Variants in CSNK2A2IP observed in about 807,000 individuals in gnomAD.
CSNK2A2IP encodes the protein casein kinase II subunit alpha'-interacting protein.
the CSNK2A2IP span, among the ~76,000 whole-genome samples, chr3:88,427,060 G>A: frequency 1.3e-5 from 2 of 152,124 alleles, no homozygotes; most frequent in Non-Finnish European, 2.9e-5. Context: ...AAGACAGAAA[G>A]ATGTGGGAAA....
chr3:88,385,366 A>G, the CSNK2A2IP span, among the ~76,000 whole-genome samples: 3 of 152,148 alleles, frequency 2.0e-5, no homozygotes, highest in African/African-American at 7.2e-5. Context: ...ATTCAATTGA[A>G]TTTTGCAAAC....
chr3:88,370,598 T>TCTC, the CSNK2A2IP span, among the ~76,000 whole-genome samples: 43 of 128,800 alleles, frequency 3.3e-4, no homozygotes, highest in African/African-American at 1.1e-3. Context: ...CTTTCTTTCT[T>TCTC]TCTCTCTCTC....
At chr3:88,445,877 GTTTCTTTCTTTCTTTCTC>G in the CSNK2A2IP span, among the ~76,000 whole-genome samples, 1 of 151,414 alleles carries the variant, frequency 6.6e-6, no homozygotes, top group African/African-American at 2.4e-5. Context: ...CATTTTAATG[GTTTCTTTCTTTCTTTCTC>G]TTTCTTTCTT....
the CSNK2A2IP span, among the ~76,000 whole-genome samples, chr3:88,463,916 T>C: frequency 6.6e-6 from 1 of 151,966 alleles, no homozygotes; most frequent in African/African-American, 2.4e-5. Context: ...TGTCCAACAA[T>C]GATAGACTGG....
At chr3:88,382,535 G>A in the CSNK2A2IP span, 1 of 152,152 alleles carries the variant, frequency 6.6e-6, no homozygotes, top group Non-Finnish European at 1.5e-5. Context: ...TTTTTCTTAT[G>A]AAGGATTTTT....
the CSNK2A2IP span, among the ~76,000 whole-genome samples, chr3:88,374,055 C>T: frequency 6.6e-6 from 1 of 151,656 alleles, no homozygotes; most frequent in East Asian, 1.9e-4. Flanking sequence ...ATAAACAATA[C>T]CAATTCTATA....
chr3:88,351,683 T>G, the CSNK2A2IP span, among the ~76,000 whole-genome samples: 2 of 152,116 alleles, frequency 1.3e-5, no homozygotes, highest in Admixed American at 6.6e-5. Flanking sequence ...ATCTTTTATG[T>G]CCAACACAAA....
At chr3:88,446,689 A>C in the CSNK2A2IP span, among the ~76,000 whole-genome samples, 1 of 152,118 alleles carries the variant, frequency 6.6e-6, no homozygotes, top group East Asian at 1.9e-4. Context: ...GTCAGTTGAG[A>C]GAGAAGGTCA....
At chr3:88,378,501 G>T in the CSNK2A2IP span, among the ~76,000 whole-genome samples, 3 of 151,828 alleles carry the variant, frequency 2.0e-5, no homozygotes, top group East Asian at 1.9e-4. Flanking sequence ...GCCACATGTG[G>T]TTATTGAGCA....
At chr3:88,465,311 T>C in the CSNK2A2IP span, 9 of 1,151,148 alleles carry the variant, frequency 7.8e-6, no homozygotes, top group Non-Finnish European at 9.8e-6. Context: ...TACTAAATCA[T>C]CCCCACAAGC....
At chr3:88,385,859 T>C in the CSNK2A2IP span, among the ~76,000 whole-genome samples, 58 of 152,310 alleles carry the variant, frequency 3.8e-4, no homozygotes, top group African/African-American at 1.3e-3. Flanking sequence ...AATTATCTTT[T>C]ATAGCTTCTA....
At chr3:88,347,672 T>A in the CSNK2A2IP span, among the ~76,000 whole-genome samples, 1 of 152,044 alleles carries the variant, frequency 6.6e-6, no homozygotes, top group African/African-American at 2.4e-5. Context: ...AAAACATTAT[T>A]TTGACTCACT....
At chr3:88,414,439 C>T in the CSNK2A2IP span, among the ~76,000 whole-genome samples, 4 of 151,338 alleles carry the variant, frequency 2.6e-5, no homozygotes, top group African/African-American at 9.7e-5. Flanking sequence ...TGCCCCAACA[C>T]GCCCAGCTAA....
the CSNK2A2IP span, among the ~76,000 whole-genome samples, chr3:88,391,937 G>A: frequency 1.3e-5 from 2 of 152,344 alleles, no homozygotes; most frequent in East Asian, 3.9e-4. Context: ...AGTGGTTGCA[G>A]TGAGAATAGT....
chr3:88,436,727 C>CTGAT, the CSNK2A2IP span, among the ~76,000 whole-genome samples: 3 of 151,966 alleles, frequency 2.0e-5, no homozygotes, highest in African/African-American at 7.3e-5. Flanking sequence ...TCATATGATC[C>CTGAT]TGATAGTATA....
At chr3:88,385,764 GA>G in the CSNK2A2IP span, among the ~76,000 whole-genome samples, 13 of 152,198 alleles carry the variant, frequency 8.5e-5, no homozygotes, top group Non-Finnish European at 1.6e-4. Flanking sequence ...GAGAGTCATG[GA>G]ATGTCTATTC....
At chr3:88,422,721 T>A in the CSNK2A2IP span, among the ~76,000 whole-genome samples, 1 of 152,188 alleles carries the variant, frequency 6.6e-6, no homozygotes, top group Admixed American at 6.5e-5. Flanking sequence ...AGAGTTTGAG[T>A]AAATTACTAG....
chr3:88,446,933 T>C, the CSNK2A2IP span, among the ~76,000 whole-genome samples: 2 of 152,326 alleles, frequency 1.3e-5, no homozygotes, highest in East Asian at 3.9e-4. Flanking sequence ...GATTTCTCTA[T>C]TAACTTTATT....
the CSNK2A2IP span, among the ~76,000 whole-genome samples, chr3:88,422,280 A>C: frequency 1.2e-4 from 18 of 152,346 alleles, no homozygotes; most frequent in African/African-American, 3.8e-4. Flanking sequence ...TTTAAATATT[A>C]GAACTGTTTG....
Sources: gnomAD v4.1 joint callset for allele counts (sites outside exome capture counted in the v4.1 genomes callset) on GRCh38, gnomAD v4.1.1 for gene constraint, MANE v1.5 for transcripts, NCBI Gene and HGNC (gene_info 2026-07-23, HGNC 2026-07-21) for gene names.